The following PLEKHA1 variants were observed in gnomAD, a reference collection of about 807,000 sequenced individuals.
The protein encoded by PLEKHA1 is pleckstrin homology domain containing A1.
A neutral mutation model predicts 52.0 loss-of-function variants in PLEKHA1; 34 were observed. The observed-to-expected ratio is 0.65, with a 90% CI of 0.50 to 0.87. The LOEUF (loss-of-function observed/expected upper bound fraction) is 0.87, where lower values mean the gene tolerates loss of function less well. Among genes scored for constraint, PLEKHA1 ranks in the 40% least tolerant of loss-of-function variants. The pLI, the probability that PLEKHA1 is intolerant of heterozygous loss-of-function variation, is 0.00. For missense variants in PLEKHA1, 497 were observed against 504.2 expected (o/e 0.99, Z 0.14); for synonymous variants, 163 against 170.7 (o/e 0.95, Z 0.35).
intron 7 of PLEKHA1, among the ~76,000 whole-genome samples, chr10:122,417,324 C>G (rs1319940307): frequency 2.0e-5 from 3 of 149,792 alleles, no homozygotes; most frequent in African/African-American, 4.9e-5. Flanking sequence ...AGGGGAAGTG[C>G]TTTTAAAAAA....
chr10:122,384,455 A>C (rs2096659452), intron 1 of PLEKHA1, among the ~76,000 whole-genome samples: 1 of 151,780 alleles, frequency 6.6e-6, no homozygotes, highest in Non-Finnish European at 1.5e-5. Context: ...AAAAATACAA[A>C]AAATTAGCCG....
In PLEKHA1 at chr10:122,417,888, C is replaced by T. The variant is rs200642902; in HGVS notation, c.613-12C>T. ...GAAACACAAGTCTTATGTCTGTGTT[C>T]ATCTCTGGTAGATGAAAAACTGGAA... is the stretch of plus-strand genomic sequence containing the variant. On this transcript the variant is annotated splice_polypyrimidine_tract_variant and intron_variant, in intron 7 of 11. Transcript: ENST00000368990. 49 of 1,600,628 alleles carry T rather than the reference C, an allele frequency of 3.1e-5. No individual in the cohort carries two copies.
At chr10:122,379,223 G>A (rs930334674) in intron 1 of PLEKHA1, among the ~76,000 whole-genome samples, 2 of 152,182 alleles carry the variant, frequency 1.3e-5, no homozygotes, top group Non-Finnish European at 2.9e-5. Context: ...GTGTGAGTCG[G>A]GGTGGAGATC....
At chr10:122,385,710 TC>T (rs1409693046) in intron 1 of PLEKHA1, among the ~76,000 whole-genome samples, 5 of 152,222 alleles carry the variant, frequency 3.3e-5, no homozygotes, top group African/African-American at 1.2e-4. Flanking sequence ...AGAGCAGTAT[TC>T]CATCTCTACT....
chr10:122,388,839 A>G (rs1182571508), intron 1 of PLEKHA1, among the ~76,000 whole-genome samples: 1 of 151,578 alleles, frequency 6.6e-6, no homozygotes, highest in East Asian at 1.9e-4. Context: ...TCAAGAAACC[A>G]CTTTTGTTTG....
At chr10:122,399,723 C>T (rs2096901041) in intron 3 of PLEKHA1, among the ~76,000 whole-genome samples, 1 of 152,084 alleles carries the variant, frequency 6.6e-6, no homozygotes, top group Non-Finnish European at 1.5e-5. Context: ...GCTGGGACTA[C>T]AGGCGCCCGC....
At chr10:122,411,497 C>T (rs919236680) in intron 5 of PLEKHA1, among the ~76,000 whole-genome samples, 10 of 152,094 alleles carry the variant, frequency 6.6e-5, no homozygotes, top group Admixed American at 1.3e-4. Context: ...GGAGTAGCAT[C>T]GTATGGAAGA....
intron 3 of PLEKHA1, among the ~76,000 whole-genome samples, chr10:122,399,201 CT>C (rs1376006037): frequency 6.6e-6 from 1 of 152,024 alleles, no homozygotes; most frequent in African/African-American, 2.4e-5. Context: ...CTGGAACAAA[CT>C]TTTGTGTGAC....
chr10:122,426,825 G>A (rs575413807), intron 10 of PLEKHA1, 117 bp from the exon 11 acceptor site: 3 of 933,886 alleles, frequency 3.2e-6, no homozygotes, highest in Non-Finnish European at 3.2e-6. Flanking sequence ...GGAAACAGTT[G>A]CCTTAGAGTG....
rs555413288 is a variant in PLEKHA1 at position 122,399,735 on chromosome 10, A to G, written c.199-608A>G. Reference sequence around the variant, plus strand: ...GTAGCTGGGACTACAGGCGCCCGCCACCATGCCCAGCTAATTTTTTTTTGT... The same window carrying G: ...GTAGCTGGGACTACAGGCGCCCGCCGCCATGCCCAGCTAATTTTTTTTTGT... On this transcript the variant is annotated intron_variant, in intron 3 of 11. Transcript: ENST00000368990. 2.1e-3 allele frequency among the ~76,000 whole-genome samples: 324 copies of G among 152,124 alleles called. 1 individual carries two copies. Among genetic ancestry groups the G allele is most frequent in the Non-Finnish European group, 3.8e-3 (257 of 67,972 alleles).
At chr10:122,421,663 G>A (rs867516027) in intron 8 of PLEKHA1, 83 of 151,880 alleles carry the variant, frequency 5.5e-4, no homozygotes, top group African/African-American at 1.8e-3. Context: ...AAATGGAGGG[G>A]AAAATACCTG....
At chr10:122,434,164 C>T (rs1005996870), downstream of PLEKHA1, 3 of 152,194 alleles carry the variant, frequency 2.0e-5, no homozygotes, top group African/African-American at 7.2e-5. Flanking sequence ...TGTTTGTCCA[C>T]TGCTGCTATG....
At chr10:122,406,086 G>T (rs1242044635) in intron 4 of PLEKHA1, among the ~76,000 whole-genome samples, 1 of 152,174 alleles carries the variant, frequency 6.6e-6, no homozygotes, top group Non-Finnish European at 1.5e-5. Flanking sequence ...ACCAGTTCTG[G>T]TGAGGGGTAT....
chr10:122,384,213 T>C (rs2096655964), intron 1 of PLEKHA1, among the ~76,000 whole-genome samples: 1 of 152,222 alleles, frequency 6.6e-6, no homozygotes, highest in Non-Finnish European at 1.5e-5. Flanking sequence ...GCAAGCTCTT[T>C]AAATGCTAGG....
At chr10:122,384,145 TC>T (rs2096654775) in intron 1 of PLEKHA1, among the ~76,000 whole-genome samples, 1 of 152,228 alleles carries the variant, frequency 6.6e-6, no homozygotes, top group African/African-American at 2.4e-5. Context: ...GGTACAATGT[TC>T]ATGTCTTTTA....
At chr10:122,390,274 G>A (rs901007766) in intron 1 of PLEKHA1, among the ~76,000 whole-genome samples, 6 of 152,136 alleles carry the variant, frequency 3.9e-5, no homozygotes, top group Admixed American at 1.3e-4. Context: ...ATGTTCTGTC[G>A]AGACCAGTAA....
chr10:122,413,786 G>A (rs2097138453), intron 6 of PLEKHA1, among the ~76,000 whole-genome samples: 1 of 152,196 alleles, frequency 6.6e-6, no homozygotes, highest in East Asian at 1.9e-4. Flanking sequence ...GTTACTAGTA[G>A]TTGAGAAACC....
At chr10:122,428,225 C>T in intron 11 of PLEKHA1, 3 of 1,431,952 alleles carry the variant, frequency 2.1e-6, no homozygotes, top group Non-Finnish European at 2.8e-6. Context: ...TCTTTTCCTC[C>T]CTCTACCCAG....
At chr10:122,375,839 TTTC>T (rs2096526587) in intron 1 of PLEKHA1, among the ~76,000 whole-genome samples, 3 of 152,242 alleles carry the variant, frequency 2.0e-5, no homozygotes, top group Admixed American at 2.0e-4. Flanking sequence ...CAGTACTGGT[TTTC>T]TTATTTTACA....
Sources: gnomAD v4.1 joint callset for allele counts (sites outside exome capture counted in the v4.1 genomes callset) on GRCh38, gnomAD v4.1.1 for gene constraint, MANE v1.5 for transcripts, NCBI Gene and HGNC (gene_info 2026-07-23, HGNC 2026-07-21) for gene names.